Variants in VCL observed in about 807,000 individuals in gnomAD.
The protein encoded by VCL is epididymis luminal protein 114.
A neutral mutation model predicts 125.7 loss-of-function variants in VCL; 47 were observed. That is an observed-to-expected ratio of 0.37 (90% CI 0.30 to 0.48). VCL has a LOEUF of 0.48. VCL is among the 20% of genes least tolerant of loss of function. The probability of loss-of-function intolerance (pLI) is 0.99; values close to 1 mark genes in which losing one functional copy is unlikely to be tolerated. For synonymous variants in VCL, 458 were observed against 514.6 expected, an observed-to-expected ratio of 0.89 and a Z score of 1.49; for missense variants, 1,069 against 1,455.5, an observed-to-expected ratio of 0.73 and a Z score of 4.32.
Position 73,998,329 on chromosome 10 carries a change from C to G in VCL, c.122C>G (p.Thr41Ser). Reference protein sequence around the residue: ...EVDGKAIPDLTAPVAAVQAAV... With the variant: ...EVDGKAIPDLSAPVAAVQAAV... ...GACGGCAAAGCCATTCCTGACCTCACCGCGCCCGTGGCCGCCGTGCAGGCG... is the reference window on the plus strand; with the variant it reads ...GACGGCAAAGCCATTCCTGACCTCAGCGCGCCCGTGGCCGCCGTGCAGGCG... The change falls in exon 1 of 22, where the codon ACC becomes AGC. Residue 41 changes from threonine to serine, a missense_variant. Physicochemically the swap from Thr to Ser is moderately conservative, Grantham distance 58. Coordinates refer to ENST00000211998, the MANE Select transcript of VCL (RefSeq NM_014000.3). 1 of 1,566,428 alleles carries G rather than the reference C, an allele frequency of 6.4e-7. No individual in the cohort carries two copies. Among genetic ancestry groups the G allele is most frequent in the Non-Finnish European group, 8.7e-7 (1 of 1,155,548 alleles).
chr10:74,096,465 A>C (rs764114279), intron 12 of VCL, among the ~76,000 whole-genome samples: 3 of 152,222 alleles, frequency 2.0e-5, no homozygotes, highest in Non-Finnish European at 4.4e-5. Flanking sequence ...CATAATTATT[A>C]AAATAAAAAC....
chr10:74,017,046 C>CTTTTTTTTTTTTTTTTTTTTTTTT (rs549275362), intron 1 of VCL, among the ~76,000 whole-genome samples: 3 of 113,148 alleles, frequency 2.7e-5, no homozygotes, highest in African/African-American at 8.2e-5. Context: ...AATTTCCTTC[C>CTTTTTTTTTTTTTTTTTTTTTTTT]TTTTTTTTTT....
chr10:74,030,870 G>A (rs905944739), intron 1 of VCL, among the ~76,000 whole-genome samples: 2 of 152,122 alleles, frequency 1.3e-5, no homozygotes, highest in Admixed American at 6.6e-5. Context: ...CATCGCCAAG[G>A]TCTGATTTTT....
chr10:74,043,608 A>G (rs138281185), intron 2 of VCL, among the ~76,000 whole-genome samples: 4,152 of 152,006 alleles, frequency 0.027, 93 homozygotes, highest in Non-Finnish European at 0.042. Flanking sequence ...TGGCCTCCCA[A>G]AGTGCTGGGA....
intron 1 of VCL, among the ~76,000 whole-genome samples, chr10:74,018,820 G>C (rs1016737537): frequency 5.3e-5 from 8 of 152,112 alleles, no homozygotes; most frequent in Admixed American, 2.6e-4. Flanking sequence ...CTCCTCATAG[G>C]AAACCGATGC....
chr10:74,069,829 T>G (rs1364528121), intron 2 of VCL, among the ~76,000 whole-genome samples: 1 of 152,156 alleles, frequency 6.6e-6, no homozygotes, highest in East Asian at 1.9e-4. Flanking sequence ...ATACTTGGTG[T>G]ATGCATTTTG....
At chr10:74,058,917 G>A (rs1841431015) in intron 2 of VCL, among the ~76,000 whole-genome samples, 1 of 152,204 alleles carries the variant, frequency 6.6e-6, no homozygotes, top group Non-Finnish European at 1.5e-5. Flanking sequence ...GCGTGTGCAC[G>A]TGCGTATGCG....
At chr10:74,077,788 A>G (rs983954371) in intron 6 of VCL, 4 of 452,552 alleles carry the variant, frequency 8.8e-6, no homozygotes, top group Non-Finnish European at 1.8e-5. Flanking sequence ...CGTCTTGCCG[A>G]ATAAGTTAAG....
chr10:74,041,406 C>T (rs1249916667), intron 1 of VCL, among the ~76,000 whole-genome samples: 1 of 152,068 alleles, frequency 6.6e-6, no homozygotes, highest in Admixed American at 6.6e-5. Flanking sequence ...AATTGACATT[C>T]AAGACCTGCA....
rs773725513 is a variant in VCL, at chr10:74,072,812, G to A, written c.582G>A (p.Ser194=). Residue 194 remains serine (S), a synonymous_variant, in exon 5 of 22, where the codon TCG becomes TCA. Coordinates refer to ENST00000211998, the MANE Select transcript of VCL (RefSeq NM_014000.3). ...HQEHRVMLVN[S]MNTVKELLPV... is the part of the protein sequence containing the mutation. ...AGCACCGAGTGATGTTGGTGAACTC[G>A]ATGAACACCGTGAAAGAGTTGCTGC... 2.5e-5 allele frequency: 40 copies of A among 1,614,028 alleles called. No homozygotes were observed. Among genetic ancestry groups the A allele is most frequent in the African/African-American group, 8.0e-5 (6 of 74,912 alleles).
intron 1 of VCL, among the ~76,000 whole-genome samples, chr10:74,039,624 TA>T (rs927758354): frequency 6.2e-4 from 89 of 143,074 alleles, no homozygotes; most frequent in Middle Eastern, 3.6e-3. Flanking sequence ...CTCTACAAAA[TA>T]AAAAAAAAAA....
At chr10:74,016,214 T>C (rs550533884) in intron 1 of VCL, among the ~76,000 whole-genome samples, 9 of 152,344 alleles carry the variant, frequency 5.9e-5, no homozygotes, top group African/African-American at 2.2e-4. Flanking sequence ...CTTGTTCTTT[T>C]ATTATACTTA....
At chr10:74,027,165 T>G (rs1198415460) in intron 1 of VCL, among the ~76,000 whole-genome samples, 1 of 152,182 alleles carries the variant, frequency 6.6e-6, no homozygotes, top group Non-Finnish European at 1.5e-5. Context: ...GGGACTGTTT[T>G]TATTCTGGTG....
chr10:74,036,215 T>C (rs1463703054), intron 1 of VCL, among the ~76,000 whole-genome samples: 1 of 152,208 alleles, frequency 6.6e-6, no homozygotes, highest in Non-Finnish European at 1.5e-5. Flanking sequence ...GTTTTTTGTT[T>C]TTTTTAGACG....
intron 18 of VCL, among the ~76,000 whole-genome samples, chr10:74,111,119 G>T (rs1385048584): frequency 6.6e-6 from 1 of 152,192 alleles, no homozygotes; most frequent in Non-Finnish European, 1.5e-5. Context: ...GATGCAAAAA[G>T]AGATGGTAGA....
intron 1 of VCL, among the ~76,000 whole-genome samples, chr10:74,011,224 A>G (rs139692518): frequency 6.6e-6 from 1 of 151,758 alleles, no homozygotes; most frequent in African/African-American, 2.4e-5. Context: ...GATTAAATTA[A>G]GTATGTGCAT....
intron 1 of VCL, among the ~76,000 whole-genome samples, chr10:74,006,555 A>G (rs1840327019): frequency 1.3e-5 from 2 of 152,234 alleles, no homozygotes; most frequent in African/African-American, 4.8e-5. Context: ...TGGTTATTTC[A>G]TACACAGGTT....
chr10:74,022,030 C>T (rs1328385682), intron 1 of VCL, among the ~76,000 whole-genome samples: 1 of 152,110 alleles, frequency 6.6e-6, no homozygotes, highest in Non-Finnish European at 1.5e-5. Flanking sequence ...TATGCCTTGT[C>T]CCCAGTCTTC....
chr10:74,082,071 A>G (rs572967605), intron 6 of VCL, among the ~76,000 whole-genome samples: 1 of 152,206 alleles, frequency 6.6e-6, no homozygotes, highest in Non-Finnish European at 1.5e-5. Context: ...TGAGGTGGGA[A>G]GGGCTTTGGC....
Sources: allele counts gnomAD v4.1 joint callset (sites outside exome capture counted in the v4.1 genomes callset), GRCh38; gene constraint gnomAD v4.1.1; transcripts MANE v1.5; gene names NCBI Gene and HGNC (gene_info 2026-07-23, HGNC 2026-07-21).